TRAPPC8: variants seen among roughly 807,000 people sequenced by gnomAD.
TRAPPC8 encodes the protein trafficking protein particle complex subunit 8.
In TRAPPC8, 54 loss-of-function variants were observed where a neutral mutation model predicts 174.3. That is an observed-to-expected ratio of 0.31 (90% CI 0.25 to 0.39). The LOEUF is 0.39. Among genes scored for constraint, TRAPPC8 ranks in the 10% least tolerant of loss-of-function variants. TRAPPC8 has a pLI of 1.00. For synonymous variants in TRAPPC8, 630 were observed against 579.9 expected (o/e 1.09, Z -1.24); for missense variants, 1,531 against 1,699.1 (o/e 0.90, Z 1.74).
intron 12 of TRAPPC8, among the ~76,000 whole-genome samples, chr18:31,885,432 G>A (rs1286490805): frequency 6.6e-6 from 1 of 152,144 alleles, no homozygotes; most frequent in Non-Finnish European, 1.5e-5. Context: ...TTTGATAAAG[G>A]ACATGCATGA....
At chr18:31,892,722 A>C (rs1347329531) in intron 11 of TRAPPC8, among the ~76,000 whole-genome samples, 1 of 152,186 alleles carries the variant, frequency 6.6e-6, no homozygotes, top group Admixed American at 6.5e-5. Flanking sequence ...AATCTTTAAA[A>C]TTTTTAGCTA....
chr18:31,877,317 C>T (rs1228942823), intron 12 of TRAPPC8, among the ~76,000 whole-genome samples: 1 of 152,082 alleles, frequency 6.6e-6, no homozygotes, highest in African/African-American at 2.4e-5. Context: ...TCCATCACAG[C>T]TAAAAGTGAG....
chr18:31,835,552 C>T (rs2032662206), intron 27 of TRAPPC8, among the ~76,000 whole-genome samples: 1 of 152,148 alleles, frequency 6.6e-6, no homozygotes, highest in South Asian at 2.1e-4. Context: ...GACAACTATC[C>T]CTAACATAAT....
At chr18:31,833,937 G>T (rs1298938745) in intron 27 of TRAPPC8, among the ~76,000 whole-genome samples, 5 of 142,842 alleles carry the variant, frequency 3.5e-5, no homozygotes, top group African/African-American at 1.3e-4. Context: ...AGGAGGTGGA[G>T]CTTGCAGTGA....
intron 12 of TRAPPC8, among the ~76,000 whole-genome samples, chr18:31,878,552 T>C (rs1417334942): frequency 6.6e-6 from 1 of 152,148 alleles, no homozygotes; most frequent in Non-Finnish European, 1.5e-5. Flanking sequence ...ACCATAAAGA[T>C]ACACGTAAGT....
chr18:31,864,653 T>C lies in TRAPPC8; in HGVS notation c.2719A>G (p.Ile907Val). The change falls in exon 19 of 29, where the codon ATC (isoleucine) becomes GTC (valine). Residue 907 changes from isoleucine (I) to valine (V), a missense_variant. Physicochemically the swap from Ile to Val is conservative, Grantham distance 29. Transcript: ENST00000283351. ...TCCAACAGTGGCATTTCTTCTGTGA[T>C]TATGGGATCTAAACGTCGATCAGGG... ...YGPDRRLDPI[I>V]TEEMPLLEVF... The C allele has an allele frequency of 4.3e-6, 7 of 1,612,680 alleles. No homozygotes were observed. Among genetic ancestry groups the C allele is most frequent in the Non-Finnish European group, 5.9e-6 (7 of 1,179,402 alleles).
At chr18:31,860,215 G>T (rs1468788133) in intron 19 of TRAPPC8, among the ~76,000 whole-genome samples, 1 of 152,072 alleles carries the variant, frequency 6.6e-6, no homozygotes, top group Non-Finnish European at 1.5e-5. Context: ...ATTCATTGTG[G>T]CTTTGCCTGT....
intron 9 of TRAPPC8, among the ~76,000 whole-genome samples, chr18:31,906,208 G>A (rs1178536415): frequency 2.0e-5 from 3 of 150,544 alleles, no homozygotes; most frequent in East Asian, 1.9e-4. Flanking sequence ...GGGTATGGTC[G>A]GGCATGCCTG....
intron 28 of TRAPPC8, 37 bp downstream of exon 28, chr18:31,832,047 C>T: frequency 1.5e-6 from 2 of 1,336,558 alleles, no homozygotes; most frequent in Non-Finnish European, 2.0e-6. Flanking sequence ...TTAAATTGCT[C>T]CCAAATCAAA....
At chr18:31,839,831 T>C (rs886162603) in intron 26 of TRAPPC8, among the ~76,000 whole-genome samples, 3 of 152,216 alleles carry the variant, frequency 2.0e-5, no homozygotes, top group African/African-American at 7.2e-5. Context: ...CTGATAATAC[T>C]GCACAGGACT....
At chr18:31,920,378 A>T (rs768924506) in intron 2 of TRAPPC8, among the ~76,000 whole-genome samples, 2 of 152,220 alleles carry the variant, frequency 1.3e-5, no homozygotes, top group African/African-American at 2.4e-5. Context: ...CTGATGAACA[A>T]CAGTTCATGA....
intron 12 of TRAPPC8, among the ~76,000 whole-genome samples, chr18:31,875,162 T>C (rs1370304670): frequency 6.6e-6 from 1 of 152,134 alleles, no homozygotes; most frequent in African/African-American, 2.4e-5. Flanking sequence ...GTTCTCATAC[T>C]TTAACTAGAA....
intron 2 of TRAPPC8, among the ~76,000 whole-genome samples, chr18:31,924,556 T>A (rs1293730834): frequency 6.7e-6 from 1 of 148,960 alleles, no homozygotes; most frequent in Non-Finnish European, 1.5e-5. Flanking sequence ...AGTCCAGGAG[T>A]TCAAGACCAG....
At chr18:31,873,742 C>G in intron 13 of TRAPPC8, 1 of 441,856 alleles carries the variant, frequency 2.3e-6, no homozygotes, top group South Asian at 3.4e-5. Context: ...TCAAAAGAAT[C>G]TTACTGAGGT....
intron 1 of TRAPPC8, among the ~76,000 whole-genome samples, chr18:31,938,796 C>T (rs1311950359): frequency 2.0e-5 from 3 of 152,126 alleles, no homozygotes; most frequent in Non-Finnish European, 4.4e-5. Context: ...TAAAGAAAAG[C>T]TGTTGCCTAG....
chr18:31,853,846 A>G lies in TRAPPC8; in HGVS notation c.3433+3T>C. The G allele has an allele frequency of 2.5e-6, 4 of 1,599,862 alleles. No homozygotes were observed. The highest frequency in any genetic ancestry group is 3.4e-6 in the Non-Finnish European group (4 of 1,175,142). ...TATTATGTAGCAGGAAAAACAAACA[A>G]ACCTTTGTTTTCAGAAAGATTTACA... On this transcript the variant is annotated splice_donor_region_variant and intron_variant, in intron 22 of 28. Coordinates refer to ENST00000283351, the MANE Select transcript of TRAPPC8 (RefSeq NM_014939.5).
At chr18:31,900,789 T>C (rs2036386818) in intron 10 of TRAPPC8, 136 bp downstream of exon 10, 2 of 639,922 alleles carry the variant, frequency 3.1e-6, no homozygotes, top group Admixed American at 7.2e-5. Flanking sequence ...AATAAAACAC[T>C]AACTTTTTAA....
Position 31,830,505 on chromosome 18 carries a change from C to T in TRAPPC8, c.*250G>A. 2.3e-6 allele frequency: 1 copy of T among 438,342 alleles called. No individual in the cohort carries two copies. Among genetic ancestry groups the T allele is most frequent in the Non-Finnish European group, 4.1e-6 (1 of 245,968 alleles). 27.2% of individuals were successfully genotyped at this position (438,342 alleles called of 1,614,324 possible). A position where few individuals can be genotyped will look rare whatever the true frequency, so the allele number is the denominator to read the frequency against. On this transcript the variant is annotated 3_prime_UTR_variant, in exon 29 of 29. Transcript: ENST00000283351. ...TCTTAAGATGGGGCTTAATAAGGTG[C>T]ACAAATATGCTGATATCCTGTATTA...
intron 9 of TRAPPC8, among the ~76,000 whole-genome samples, chr18:31,902,921 C>T (rs1265695303): frequency 6.6e-6 from 1 of 151,778 alleles, no homozygotes; most frequent in African/African-American, 2.4e-5. Context: ...AGGTGGCGGG[C>T]GCCTGTAGTC....
Sources: gnomAD v4.1 joint callset for allele counts (sites outside exome capture counted in the v4.1 genomes callset) on GRCh38, gnomAD v4.1.1 for gene constraint, MANE v1.5 for transcripts, NCBI Gene and HGNC (gene_info 2026-07-23, HGNC 2026-07-21) for gene names.